DISC1: variants seen among roughly 807,000 people sequenced by gnomAD.
DISC1 encodes disrupted in schizophrenia 1 protein.
Under a neutral mutation model 84.5 loss-of-function variants are expected in DISC1, and 57 were observed. That is an observed-to-expected ratio of 0.67 (90% CI 0.55 to 0.84). The LOEUF (loss-of-function observed/expected upper bound fraction) is 0.84. DISC1 is among the 40% of genes least tolerant of loss of function. The pLI is 0.00. For synonymous variants in DISC1, 411 were observed against 415.2 expected (o/e 0.99, Z 0.12); for missense variants, 1,000 against 1,057.8 (o/e 0.95, Z 0.76).
rs141884584 is a variant in DISC1, at chr1:231,778,975, A to G, written c.1634+7905A>G. On this transcript the variant is annotated intron_variant, in intron 6 of 12. Transcript: ENST00000439617. The stretch of plus-strand genomic sequence containing the variant: ...TGTAGCTTAGACATAACAACAGAGC[A>G]GCATCAATGCTAAAACGAGATCATA... 3.1e-3 allele frequency among the ~76,000 whole-genome samples: 476 copies of G among 152,280 alleles called. 4 individuals carry two copies. The highest frequency in any genetic ancestry group is 0.011 in the African/African-American group (463 of 41,532).
chr1:231,869,738 C>T (rs942348235), intron 9 of DISC1, among the ~76,000 whole-genome samples: 1 of 152,128 alleles, frequency 6.6e-6, no homozygotes, highest in Non-Finnish European at 1.5e-5. Context: ...GCCCATTGGG[C>T]TCCACCTTAA....
At chr1:231,720,345 A>AT (rs1464633830) in intron 3 of DISC1, among the ~76,000 whole-genome samples, 4 of 150,724 alleles carry the variant, frequency 2.7e-5, no homozygotes, top group Admixed American at 6.6e-5. Context: ...ACTCTTTTTA[A>AT]TTTTTTTTCT....
intron 9 of DISC1, among the ~76,000 whole-genome samples, chr1:231,919,266 A>G (rs1365464789): frequency 6.6e-6 from 1 of 152,198 alleles, no homozygotes; most frequent in Non-Finnish European, 1.5e-5. Context: ...ATAAGCTGCT[A>G]CTCTGACTTT....
chr1:231,780,243 A>G (rs1187136866), intron 6 of DISC1, among the ~76,000 whole-genome samples: 7 of 151,154 alleles, frequency 4.6e-5, no homozygotes, highest in African/African-American at 1.7e-4. Flanking sequence ...ATAATAAAAA[A>G]AAAAAAAAGA....
At chr1:231,803,865 A>G (rs998011915) in intron 8 of DISC1, among the ~76,000 whole-genome samples, 9 of 138,546 alleles carry the variant, frequency 6.5e-5, no homozygotes, top group South Asian at 2.4e-4. Context: ...GGAGAATGGC[A>G]TGAACCGGGA....
At chr1:231,863,262 T>C (rs1229662981) in intron 9 of DISC1, among the ~76,000 whole-genome samples, 1 of 123,734 alleles carries the variant, frequency 8.1e-6, no homozygotes, top group African/African-American at 3.1e-5. Flanking sequence ...TGAGACAGGG[T>C]CTCTGTCGCC....
chr1:231,683,064 G>C (rs1224952161), intron 1 of DISC1, among the ~76,000 whole-genome samples: 1 of 152,232 alleles, frequency 6.6e-6, no homozygotes, highest in African/African-American at 2.4e-5. Context: ...ATGTAGGGTA[G>C]AAGATTTAGA....
intron 10 of DISC1, 56 bp downstream of exon 10, chr1:231,958,944 A>G: frequency 6.5e-7 from 1 of 1,543,668 alleles, no homozygotes; most frequent in Non-Finnish European, 8.7e-7. Flanking sequence ...ATTCTTTATT[A>G]TAACAGAATT....
intron 10 of DISC1, among the ~76,000 whole-genome samples, chr1:231,994,275 G>A (rs927802472): frequency 6.6e-6 from 1 of 152,228 alleles, no homozygotes; most frequent in Non-Finnish European, 1.5e-5. Flanking sequence ...CACTGACCAG[G>A]CATGTAGTCC....
chr1:231,870,169 T>C (rs944886923), intron 9 of DISC1, among the ~76,000 whole-genome samples: 1 of 152,062 alleles, frequency 6.6e-6, no homozygotes, highest in Non-Finnish European at 1.5e-5. Context: ...CCTGGGATCA[T>C]CAGGGGAAGC....
chr1:231,702,205 T>C (rs1197598124), intron 3 of DISC1, 181 bp downstream of exon 3: 2 of 1,356,128 alleles, frequency 1.5e-6, no homozygotes, highest in Non-Finnish European at 1.9e-6. Flanking sequence ...AAGTACTTCA[T>C]GAACATTAAT....
intron 9 of DISC1, among the ~76,000 whole-genome samples, chr1:231,819,916 C>T (rs1254447062): frequency 6.6e-6 from 1 of 151,944 alleles, no homozygotes; most frequent in African/African-American, 2.4e-5. Context: ...ATAGTTGAGC[C>T]CCTGAAAGCC....
At position 232,040,769 on chromosome 1, in the gene DISC1, G is replaced by A. The variant is rs1670751083; in HGVS notation, c.*3938G>A. 1 of 152,148 alleles carries A rather than the reference G, an allele frequency of 6.6e-6. No homozygotes were observed. The highest frequency in any genetic ancestry group is 1.5e-5 in the Non-Finnish European group (1 of 68,036). 9.4% of individuals were successfully genotyped at this position (152,148 alleles called of 1,614,324 possible). A position where few individuals can be genotyped will look rare whatever the true frequency, so the allele number is the denominator to read the frequency against. On this transcript the variant is annotated 3_prime_UTR_variant, in exon 13 of 13. Coordinates refer to ENST00000439617, the MANE Select transcript of DISC1 (RefSeq NM_018662.3). ...AACGAGGCTTCCCACACTGCCAGGG[G>A]AGCCTCACTGTGAAGTCTAGGCTCA...
intron 10 of DISC1, among the ~76,000 whole-genome samples, chr1:231,984,363 A>G (rs1664096571): frequency 6.6e-6 from 1 of 152,218 alleles, no homozygotes; most frequent in Admixed American, 6.5e-5. Context: ...TTTTGAGTAT[A>G]GTTTGATGGA....
At chr1:231,919,995 T>C (rs2089896789) in intron 9 of DISC1, among the ~76,000 whole-genome samples, 1 of 152,168 alleles carries the variant, frequency 6.6e-6, no homozygotes, top group African/African-American at 2.4e-5. Context: ...ATTGACGTTT[T>C]AGACCAGACA....
At chr1:231,791,154 T>G (rs16854974) in intron 6 of DISC1, among the ~76,000 whole-genome samples, 19,599 of 152,260 alleles carry the variant, frequency 0.13, 1,389 homozygotes, top group East Asian at 0.27. Flanking sequence ...AACACCAGTT[T>G]GTGAGTAAAG....
At chr1:231,894,167 T>C (rs182275800) in intron 9 of DISC1, among the ~76,000 whole-genome samples, 2 of 152,336 alleles carry the variant, frequency 1.3e-5, no homozygotes, top group East Asian at 3.8e-4. Context: ...AGAGTAAAGA[T>C]ATAATAGTGA....
In DISC1 at chr1:231,810,607, C is replaced by T. The variant is rs114405914; in HGVS notation, c.1793-7722C>T. Among the ~76,000 whole-genome samples, 1,198 of 152,194 alleles carry T rather than the reference C, an allele frequency of 7.9e-3. 13 individuals are homozygous for T. Among genetic ancestry groups the T allele is most frequent in the African/African-American group, 0.027 (1,126 of 41,508 alleles). On this transcript the variant is annotated intron_variant, in intron 8 of 12. Coordinates refer to ENST00000439617, the MANE Select transcript of DISC1 (RefSeq NM_018662.3). ...TGGCAGAGACTCAAAGGTGGGCAGA[C>T]GAGTGGGAGAGCTTTATAGTGGAAA...
intron 9 of DISC1, chr1:231,866,487 G>A (rs1372620322): frequency 6.4e-6 from 5 of 784,416 alleles, no homozygotes; most frequent in Non-Finnish European, 4.7e-6. Flanking sequence ...AGGCACTTTC[G>A]AAGTCCTTAA....
Sources: allele counts gnomAD v4.1 joint callset (sites outside exome capture counted in the v4.1 genomes callset), GRCh38; gene constraint gnomAD v4.1.1; transcripts MANE v1.5; gene names NCBI Gene and HGNC (gene_info 2026-07-23, HGNC 2026-07-21).